The following BTBD3 variants were observed in gnomAD, a reference collection of about 807,000 sequenced individuals.
The protein encoded by BTBD3 is BTB/POZ domain-containing protein 3.
A neutral mutation model predicts 41.6 loss-of-function variants in BTBD3; 14 were observed. That is an observed-to-expected ratio of 0.34 (90% CI 0.22 to 0.53). BTBD3 has a LOEUF of 0.53. Ranked by LOEUF, BTBD3 falls within the 20% of genes least tolerant of loss-of-function variation. The pLI is 0.95. For missense variants in BTBD3, 426 were observed against 654.7 expected (o/e 0.65, Z 3.81); for synonymous variants, 249 against 233.7 (o/e 1.07, Z -0.60).
intron 1 of BTBD3, among the ~76,000 whole-genome samples, chr20:11,900,223 G>A (rs1192918136): frequency 2.0e-5 from 3 of 152,088 alleles, no homozygotes; most frequent in African/African-American, 2.4e-5. Flanking sequence ...TTTTGTTGTC[G>A]TGAAGACTCA....
At chr20:11,902,737 C>A (rs906373132) in intron 1 of BTBD3, among the ~76,000 whole-genome samples, 8 of 152,134 alleles carry the variant, frequency 5.3e-5, no homozygotes, top group Non-Finnish European at 1.2e-4. Flanking sequence ...TGCATTTTTA[C>A]ATTTGTTTAC....
chr20:11,907,926 CG>C (rs1326385636), intron 1 of BTBD3, among the ~76,000 whole-genome samples: 2 of 152,136 alleles, frequency 1.3e-5, no homozygotes, highest in Non-Finnish European at 2.9e-5. Context: ...TCCCTTCTTC[CG>C]GGGCGGATGC....
Position 11,922,697 on chromosome 20 carries a change from C to T in BTBD3, c.600C>T (p.Ala200=). Residue 200 remains alanine, a synonymous_variant, in exon 4 of 4, where the codon GCC becomes GCT. Transcript: ENST00000378226. ...CAGTGCTGGCCACACTTTATGCTGC[C>T]AAAAAGTACATTGTCCCTCACCTTG... is the stretch of plus-strand genomic sequence containing the variant. ...ADTVLATLYA[A]KKYIVPHLAR... is the part of the protein sequence containing the mutation. 6.2e-7 allele frequency: 1 copy of T among 1,614,180 alleles called. No homozygotes were observed. Among genetic ancestry groups the T allele is most frequent in the Non-Finnish European group, 8.5e-7 (1 of 1,180,034 alleles).
chr20:11,905,881 C>T (rs2056850314), intron 1 of BTBD3, among the ~76,000 whole-genome samples: 1 of 152,156 alleles, frequency 6.6e-6, no homozygotes, highest in African/African-American at 2.4e-5. Flanking sequence ...GAGATTTGGT[C>T]ACTTGTTCTA....
At position 11,903,061 on chromosome 20, in the gene BTBD3, T is replaced by G. The variant is rs181818445; in HGVS notation, c.-126+12107T>G. ...TAGCGTTCAAGGGTTACCTGTATTT[T>G]TAAATAAAATGTTATTTAGATTAAG... On this transcript the variant is annotated intron_variant, in intron 1 of 4. Coordinates refer to the BTBD3 transcript ENST00000254977. Among the ~76,000 whole-genome samples, 3 of 152,342 alleles carry G rather than the reference T, an allele frequency of 2.0e-5. No individual in the cohort carries two copies. In the East Asian group the frequency reaches 5.8e-4, roughly 29 times the overall value.
intron 2 of BTBD3, chr20:11,919,388 T>G: frequency 1.4e-6 from 2 of 1,410,430 alleles, no homozygotes; most frequent in Non-Finnish European, 1.8e-6. Flanking sequence ...ACACATCCCC[T>G]CTTAACTCTC....
rs2056933143 is a variant in BTBD3 at position 11,918,247 on chromosome 20, C to A, written c.-29C>A. Reference sequence around the variant, plus strand: ...TGATGTTCAAACCAATTTGGGATATCTAACTCTAAAGAGAGACACACTGTA... The same window carrying A: ...TGATGTTCAAACCAATTTGGGATATATAACTCTAAAGAGAGACACACTGTA... On this transcript the variant is annotated 5_prime_UTR_variant, in exon 1 of 4. Coordinates refer to ENST00000378226, the MANE Select transcript of BTBD3 (RefSeq NM_014962.4). 6.6e-7 allele frequency: 1 copy of A among 1,521,642 alleles called. No homozygotes were observed. The highest frequency in any genetic ancestry group is 2.2e-5 in the Admixed American group (1 of 45,062). 94.3% of individuals were successfully genotyped at this position (1,521,642 alleles called of 1,614,324 possible). A position where few individuals can be genotyped will look rare whatever the true frequency, so the allele number is the denominator to read the frequency against.
chr20:11,891,094 T>C, intron 1 of BTBD3: 1 of 559,078 alleles, frequency 1.8e-6, no homozygotes, highest in Non-Finnish European at 2.3e-6. Flanking sequence ...TGGCCGCAGG[T>C]CGGCCTCGGA....
chr20:11,916,842 A>G (rs1322787616), upstream of BTBD3, among the ~76,000 whole-genome samples: 1 of 152,172 alleles, frequency 6.6e-6, no homozygotes, highest in Non-Finnish European at 1.5e-5. Context: ...TAAATATTTT[A>G]ATTAGTCCCT....
chr20:11,897,746 T>G, intron 1 of BTBD3, among the ~76,000 whole-genome samples: 1 of 152,238 alleles, frequency 6.6e-6, no homozygotes, highest in African/African-American at 2.4e-5. Context: ...TCTTTGATTT[T>G]CCATCTGCTT....
In BTBD3 at chr20:11,906,390, A is replaced by G. The variant is rs190252883; in HGVS notation, c.-125-11944A>G. Reference sequence around the variant, plus strand: ...AGTATTCTCCTGCCTCAGCCTCTCAAGTAGCTGGGATTACAGGCACATGCC... The same window carrying G: ...AGTATTCTCCTGCCTCAGCCTCTCAGGTAGCTGGGATTACAGGCACATGCC... On this transcript the variant is annotated intron_variant, in intron 1 of 4. Transcript: ENST00000254977. Among the ~76,000 whole-genome samples the G allele has an allele frequency of 6.5e-3, 972 of 149,320 alleles. 6 individuals are homozygous for G. Among genetic ancestry groups the G allele is most frequent in the Non-Finnish European group, 0.011 (754 of 67,598 alleles).
chr20:11,915,232 G>T (rs191632280), upstream of BTBD3, among the ~76,000 whole-genome samples: 75 of 152,190 alleles, frequency 4.9e-4, no homozygotes, highest in African/African-American at 1.7e-3. Flanking sequence ...TGGGGCTGGC[G>T]CTTCCTTTCC....
At chr20:11,919,644 G>A in intron 2 of BTBD3, 74 bp from the exon 3 acceptor site, 2 of 1,458,590 alleles carry the variant, frequency 1.4e-6, no homozygotes, top group East Asian at 2.3e-5. Context: ...ATTGCCTAGT[G>A]TTGTTTTTCT....
In BTBD3 at chr20:11,924,338, T is replaced by C. The variant is rs1401112024; in HGVS notation, c.*672T>C. 6.6e-6 allele frequency: 1 copy of C among 152,216 alleles called. No homozygotes were observed. Among genetic ancestry groups the C allele is most frequent in the Non-Finnish European group, 1.5e-5 (1 of 68,048 alleles). 9.4% of individuals were successfully genotyped at this position (152,216 alleles called of 1,614,324 possible). A position where few individuals can be genotyped will look rare whatever the true frequency, so the allele number is the denominator to read the frequency against. ...TTCTACAAGCAGATTTCTTTTCTTTTAGTTTAGAAGACAAAAAATTTCAAT... is the reference window on the plus strand; with the variant it reads ...TTCTACAAGCAGATTTCTTTTCTTTCAGTTTAGAAGACAAAAAATTTCAAT... On this transcript the variant is annotated 3_prime_UTR_variant, in exon 4 of 4. Coordinates refer to ENST00000378226, the MANE Select transcript of BTBD3 (RefSeq NM_014962.4).
At chr20:11,915,007 G>C (rs2122273426), upstream of BTBD3, among the ~76,000 whole-genome samples, 1 of 152,218 alleles carries the variant, frequency 6.6e-6, no homozygotes, top group East Asian at 1.9e-4. Context: ...TAAATGATTT[G>C]TTCAAATACT....
Position 11,919,142 on chromosome 20 carries a change from C to T in BTBD3, c.383C>T (p.Pro128Leu). The change falls in exon 2 of 4, where the codon CCA becomes CTA. Residue 128 changes from proline (P) to leucine (L), a missense_variant. Coordinates refer to ENST00000378226, the MANE Select transcript of BTBD3 (RefSeq NM_014962.4). The stretch of plus-strand genomic sequence containing the variant: ...GCAGATGTACATTTTGTGGTTGGGC[C>T]ACCAGGTGGGACTCAACGGTTGCCA... ...LMADVHFVVGPPGGTQRLPGH... is the reference protein window; with the variant it reads ...LMADVHFVVGLPGGTQRLPGH... The T allele has an allele frequency of 6.2e-7, 1 of 1,613,614 alleles. No individual in the cohort carries two copies.
intron 1 of BTBD3, among the ~76,000 whole-genome samples, chr20:11,898,899 C>T (rs929647269): frequency 4.6e-5 from 7 of 152,112 alleles, no homozygotes; most frequent in Admixed American, 4.6e-4. Flanking sequence ...TGGCCAAGTG[C>T]CCTGATTCAC....
chr20:11,898,738 T>C (rs2056805710), intron 1 of BTBD3, among the ~76,000 whole-genome samples: 1 of 152,214 alleles, frequency 6.6e-6, no homozygotes, highest in African/African-American at 2.4e-5. Flanking sequence ...GGATCTAACG[T>C]TGACTTATCC....
upstream of BTBD3, among the ~76,000 whole-genome samples, chr20:11,916,203 T>C (rs1019101114): frequency 6.6e-6 from 1 of 152,176 alleles, no homozygotes; most frequent in Non-Finnish European, 1.5e-5. Flanking sequence ...CTACCTGGCA[T>C]GGGAGCTTTC....
Sources: gnomAD v4.1 joint callset for allele counts (sites outside exome capture counted in the v4.1 genomes callset) on GRCh38, gnomAD v4.1.1 for gene constraint, MANE v1.5 for transcripts, NCBI Gene and HGNC (gene_info 2026-07-23, HGNC 2026-07-21) for gene names.